The following DNAI4 variants were observed in gnomAD, a reference collection of about 807,000 sequenced individuals.
DNAI4 encodes dynein axonemal intermediate chain 4, also known as WD repeat domain 78.
In DNAI4, 85 loss-of-function variants were observed where a neutral mutation model predicts 105.8. The observed-to-expected ratio is 0.80, with a 90% CI of 0.67 to 0.96. The LOEUF is 0.96. DNAI4 is among the 40% of genes least tolerant of loss of function. DNAI4 has a pLI of 0.00. For synonymous variants in DNAI4, 352 were observed against 331.5 expected, an observed-to-expected ratio of 1.06 and a Z score of -0.67; for missense variants, 1,014 against 1,005.6, an observed-to-expected ratio of 1.01 and a Z score of -0.11.
At chr1:66,831,628 T>G (rs1459857219) in intron 13 of DNAI4, among the ~76,000 whole-genome samples, 1 of 152,106 alleles carries the variant, frequency 6.6e-6, no homozygotes, top group East Asian at 1.9e-4. Flanking sequence ...TCCCTCAATC[T>G]GATTAATTCT....
chr1:66,816,936 T>C (rs1484956753), intron 16 of DNAI4, among the ~76,000 whole-genome samples: 1 of 152,188 alleles, frequency 6.6e-6, no homozygotes, highest in Non-Finnish European at 1.5e-5. Context: ...CAACTATAAA[T>C]GTGTCTACTA....
rs192596961 is a variant in DNAI4, at chr1:66,822,036, G to A, written c.2496+325C>T. Among the ~76,000 whole-genome samples the A allele has an allele frequency of 2.6e-3, 402 of 152,034 alleles. 1 individual carries two copies. The highest frequency in any genetic ancestry group is 8.6e-3 in the African/African-American group (356 of 41,492). ...ATGTAACAATCTTTTAATACATGAT[G>A]TAAACTTCTTTGAATATCTTTAAGA... On this transcript the variant is annotated intron_variant, in intron 16 of 16. Transcript: ENST00000371026.
intron 1 of DNAI4, among the ~76,000 whole-genome samples, chr1:66,920,764 T>C (rs1490471889): frequency 6.6e-6 from 1 of 152,154 alleles, no homozygotes. Flanking sequence ...ATAATTAGAT[T>C]ACAATGGAAA....
chr1:66,900,641 A>C (rs1286834840), intron 2 of DNAI4, among the ~76,000 whole-genome samples: 1 of 152,142 alleles, frequency 6.6e-6, no homozygotes, highest in African/African-American at 2.4e-5. Context: ...TTTATTCCTA[A>C]GTATTTTACT....
At chr1:66,866,448 AAT>A (rs1247161714) in intron 6 of DNAI4, among the ~76,000 whole-genome samples, 1 of 152,236 alleles carries the variant, frequency 6.6e-6, no homozygotes, top group Non-Finnish European at 1.5e-5. Context: ...GGTAGTGATC[AAT>A]ATGTCAATCT....
At chr1:66,858,532 C>CAAAAAAAAAAAAAAAA (rs3033717) in intron 7 of DNAI4, among the ~76,000 whole-genome samples, 8 of 63,570 alleles carry the variant, frequency 1.3e-4, no homozygotes, top group African/African-American at 3.3e-4. Context: ...GACTCCGTCT[C>CAAAAAAAAAAAAAAAA]AAAAAAAAAA....
chr1:66,911,518 C>G (rs1649655462), intron 1 of DNAI4, among the ~76,000 whole-genome samples: 1 of 152,148 alleles, frequency 6.6e-6, no homozygotes, highest in Non-Finnish European at 1.5e-5. Flanking sequence ...TTTTGTCTTC[C>G]AGATGACTAA....
At chr1:66,844,134 TA>T (rs905209976) in intron 8 of DNAI4, among the ~76,000 whole-genome samples, 38 of 127,658 alleles carry the variant, frequency 3.0e-4, no homozygotes, top group Admixed American at 2.1e-3. Context: ...AGTCCATTCA[TA>T]AAAAAAATTA....
intron 8 of DNAI4, among the ~76,000 whole-genome samples, chr1:66,845,349 G>A (rs550794277): frequency 6.6e-6 from 1 of 152,060 alleles, no homozygotes; most frequent in East Asian, 1.9e-4. Context: ...AACACTAAAA[G>A]GATTGCCAGC....
intron 16 of DNAI4, among the ~76,000 whole-genome samples, chr1:66,820,308 C>T (rs1032113846): frequency 6.6e-6 from 1 of 152,084 alleles, no homozygotes; most frequent in East Asian, 1.9e-4. Context: ...AAAATTTATC[C>T]ATGACTCCAC....
At chr1:66,836,194 A>C (rs1023191117) in intron 10 of DNAI4, among the ~76,000 whole-genome samples, 1 of 70,528 alleles carries the variant, frequency 1.4e-5, no homozygotes, top group African/African-American at 5.2e-5. Context: ...GAAAGAAAGA[A>C]AGAAAGAAAG....
chr1:66,825,265 C>T (rs904990575), intron 15 of DNAI4, among the ~76,000 whole-genome samples: 5 of 150,430 alleles, frequency 3.3e-5, no homozygotes, highest in East Asian at 3.9e-4. Context: ...CTGCAAGCTC[C>T]GCTTCCCGGG....
At chr1:66,839,265 TC>T (rs1391735311) in intron 9 of DNAI4, among the ~76,000 whole-genome samples, 1 of 151,650 alleles carries the variant, frequency 6.6e-6, no homozygotes, top group Admixed American at 6.6e-5. Context: ...GACCCCCATC[TC>T]CCCAAAAAAT....
intron 4 of DNAI4, among the ~76,000 whole-genome samples, chr1:66,886,660 T>C (rs1647210382): frequency 6.6e-6 from 1 of 152,210 alleles, no homozygotes; most frequent in Admixed American, 6.5e-5. Flanking sequence ...GTAGTAAGTG[T>C]GGAGAAGGGA....
intron 1 of DNAI4, among the ~76,000 whole-genome samples, chr1:66,913,135 G>A (rs1649786650): frequency 6.6e-6 from 1 of 152,112 alleles, no homozygotes; most frequent in Non-Finnish European, 1.5e-5. Context: ...CTTCTAAGAT[G>A]GTAGAAAGCA....
intron 7 of DNAI4, among the ~76,000 whole-genome samples, chr1:66,859,203 A>C (rs1646571658): frequency 6.6e-6 from 1 of 152,200 alleles, no homozygotes; most frequent in African/African-American, 2.4e-5. Flanking sequence ...AAAAGATATA[A>C]AGATGCTCAA....
chr1:66,875,283 G>A (rs1428197817), intron 4 of DNAI4, among the ~76,000 whole-genome samples: 1 of 152,054 alleles, frequency 6.6e-6, no homozygotes, highest in Admixed American at 6.6e-5. Flanking sequence ...TATATTTAGG[G>A]GGCATAATAA....
intron 4 of DNAI4, among the ~76,000 whole-genome samples, chr1:66,880,994 C>G (rs1484007711): frequency 6.6e-6 from 1 of 152,228 alleles, no homozygotes; most frequent in Non-Finnish European, 1.5e-5. Context: ...ACAGCTCAAG[C>G]TATGGCTTCA....
intron 4 of DNAI4, among the ~76,000 whole-genome samples, chr1:66,879,635 G>C (rs1013699049): frequency 6.6e-6 from 1 of 152,098 alleles, no homozygotes; most frequent in South Asian, 2.1e-4. Flanking sequence ...ATGTACCATT[G>C]TGCATCCCCA....
Sources: gnomAD v4.1 joint callset for allele counts (sites outside exome capture counted in the v4.1 genomes callset) on GRCh38, gnomAD v4.1.1 for gene constraint, MANE v1.5 for transcripts, NCBI Gene and HGNC (gene_info 2026-07-23, HGNC 2026-07-21) for gene names.